STXBP6: variants seen among roughly 807,000 people sequenced by gnomAD.
STXBP6 encodes syntaxin-binding protein 6.
STXBP6 carries 21 observed loss-of-function variants against 26.9 expected under a neutral mutation model. That is an observed-to-expected ratio of 0.78 (90% CI 0.55 to 1.12). The LOEUF (loss-of-function observed/expected upper bound fraction) is 1.12, where lower values mean the gene tolerates loss of function less well. Among genes scored for constraint, STXBP6 ranks in the 50% most tolerant of loss-of-function variants. The probability of loss-of-function intolerance (pLI) is 0.00; values close to 1 mark genes in which losing one functional copy is unlikely to be tolerated. For missense variants in STXBP6, 232 were observed against 257.9 expected (o/e 0.90, Z 0.69); for synonymous variants, 97 against 92.6 (o/e 1.05, Z -0.27).
chr14:24,983,222 T>C (rs1209061934), intron 1 of STXBP6, among the ~76,000 whole-genome samples: 1 of 152,162 alleles, frequency 6.6e-6, no homozygotes, highest in Non-Finnish European at 1.5e-5. Flanking sequence ...AGGAAGGTAG[T>C]AACAGAAAAA....
At chr14:25,001,499 T>C (rs2074760188) in intron 1 of STXBP6, among the ~76,000 whole-genome samples, 1 of 152,354 alleles carries the variant, frequency 6.6e-6, no homozygotes, top group South Asian at 2.1e-4. Context: ...AAGGCATGAT[T>C]AGAGGGTTGG....
intron 4 of STXBP6, among the ~76,000 whole-genome samples, chr14:24,835,221 A>G (rs1422406065): frequency 1.3e-5 from 2 of 152,156 alleles, no homozygotes; most frequent in South Asian, 2.1e-4. Context: ...GGATCCCTGA[A>G]TCACCACTTA....
chr14:24,828,375 TTTC>T (rs1218528514), intron 4 of STXBP6, among the ~76,000 whole-genome samples: 1 of 152,194 alleles, frequency 6.6e-6, no homozygotes, highest in East Asian at 1.9e-4. Context: ...GAAGCCATAA[TTTC>T]TTAATGATAA....
At chr14:24,875,890 G>C (rs74903997) in intron 2 of STXBP6, among the ~76,000 whole-genome samples, 3 of 152,248 alleles carry the variant, frequency 2.0e-5, no homozygotes, top group Non-Finnish European at 4.4e-5. Context: ...ATTCATCAGG[G>C]GGTTCACATT....
At chr14:24,954,933 T>C (rs1019756108) in intron 2 of STXBP6, among the ~76,000 whole-genome samples, 1 of 152,192 alleles carries the variant, frequency 6.6e-6, no homozygotes, top group Non-Finnish European at 1.5e-5. Flanking sequence ...TCTGTGACAC[T>C]GGGCAAGTTA....
At chr14:24,932,321 C>A (rs59153576) in intron 2 of STXBP6, among the ~76,000 whole-genome samples, 1 of 152,002 alleles carries the variant, frequency 6.6e-6, no homozygotes, top group Non-Finnish European at 1.5e-5. Flanking sequence ...GCAGGAGAAT[C>A]GTTTGAACCT....
chr14:24,939,185 T>C (rs2072710420), intron 2 of STXBP6, among the ~76,000 whole-genome samples: 1 of 152,134 alleles, frequency 6.6e-6, no homozygotes, highest in Non-Finnish European at 1.5e-5. Context: ...AACATTTAAA[T>C]CCCCTCCTAG....
chr14:24,907,214 C>T (rs2071413311), intron 2 of STXBP6, among the ~76,000 whole-genome samples: 1 of 152,008 alleles, frequency 6.6e-6, no homozygotes, highest in Non-Finnish European at 1.5e-5. Context: ...TGATGCATAT[C>T]CTAATTACTC....
chr14:24,830,848 G>A (rs935132054), intron 4 of STXBP6, among the ~76,000 whole-genome samples: 1 of 152,118 alleles, frequency 6.6e-6, no homozygotes, highest in Non-Finnish European at 1.5e-5. Flanking sequence ...TGAAGGTAAA[G>A]GAACCTGCTA....
chr14:24,979,867 G>A (rs1182760717), intron 1 of STXBP6, among the ~76,000 whole-genome samples: 1 of 152,156 alleles, frequency 6.6e-6, no homozygotes, highest in Non-Finnish European at 1.5e-5. Context: ...AAGGACTCCA[G>A]TACTGCTCTT....
chr14:24,948,525 G>A (rs888371415), intron 2 of STXBP6, among the ~76,000 whole-genome samples: 2 of 152,118 alleles, frequency 1.3e-5, no homozygotes, highest in African/African-American at 4.8e-5. Context: ...GATTTTCTGA[G>A]TTCAGAGAAC....
intron 2 of STXBP6, among the ~76,000 whole-genome samples, chr14:24,920,033 A>T (rs2071924519): frequency 6.6e-6 from 1 of 152,070 alleles, no homozygotes; most frequent in Non-Finnish European, 1.5e-5. Flanking sequence ...TGATATCCAA[A>T]AATTTCCAAT....
chr14:25,013,815 T>A (rs2075088787), intron 1 of STXBP6, among the ~76,000 whole-genome samples: 1 of 150,740 alleles, frequency 6.6e-6, no homozygotes, highest in South Asian at 2.1e-4. Context: ...TGAAGAGGCA[T>A]GTCAATCAAC....
rs113118171 is a variant in STXBP6 at position 24,864,701 on chromosome 14, T to C, written c.155-7544A>G. 6.0e-3 allele frequency among the ~76,000 whole-genome samples: 920 copies of C among 152,222 alleles called. 13 individuals carry two copies. Among genetic ancestry groups the C allele is most frequent in the African/African-American group, 0.021 (884 of 41,550 alleles). ...TTAAATGGACTAGATACTAAACATA[T>C]ATCACTAGGTTTTTGGAAAAATCAA... On this transcript the variant is annotated intron_variant, in intron 2 of 5. Transcript: ENST00000323944.
At chr14:25,000,954 C>A (rs2074746798) in intron 1 of STXBP6, among the ~76,000 whole-genome samples, 1 of 152,006 alleles carries the variant, frequency 6.6e-6, no homozygotes, top group Non-Finnish European at 1.5e-5. Context: ...ATCTTTGGGT[C>A]TTCATTTGGA....
intron 4 of STXBP6, among the ~76,000 whole-genome samples, chr14:24,830,032 T>C (rs1199456215): frequency 6.6e-6 from 1 of 152,068 alleles, no homozygotes; most frequent in Non-Finnish European, 1.5e-5. Flanking sequence ...TGTGTGATGA[T>C]AAGCTGGGGA....
chr14:24,844,364 G>A (rs896317628), intron 4 of STXBP6, among the ~76,000 whole-genome samples: 3 of 152,172 alleles, frequency 2.0e-5, no homozygotes, highest in African/African-American at 4.8e-5. Context: ...TATCAAACCC[G>A]AGGAAGAGAT....
intron 1 of STXBP6, among the ~76,000 whole-genome samples, chr14:25,045,163 T>C (rs2075705858): frequency 6.6e-6 from 1 of 152,192 alleles, no homozygotes; most frequent in Non-Finnish European, 1.5e-5. Context: ...TCCTAAAAGA[T>C]ACATATATAA....
chr14:24,853,534 T>C (rs2069227501), intron 4 of STXBP6, among the ~76,000 whole-genome samples: 2 of 152,064 alleles, frequency 1.3e-5, no homozygotes, highest in Non-Finnish European at 2.9e-5. Flanking sequence ...ACCTACACAA[T>C]AAAACTATAA....
Sources: gnomAD v4.1 joint callset for allele counts (sites outside exome capture counted in the v4.1 genomes callset) on GRCh38, gnomAD v4.1.1 for gene constraint, MANE v1.5 for transcripts, NCBI Gene and HGNC (gene_info 2026-07-23, HGNC 2026-07-21) for gene names.